Variants in C11orf21 observed in about 807,000 individuals in gnomAD.
C11orf21 encodes chromosome 11 open reading frame 21, also known as uncharacterized protein C11orf21.
A neutral mutation model predicts 15.2 loss-of-function variants in C11orf21; 19 were observed. That is an observed-to-expected ratio of 1.25 (90% CI 0.87 to 1.84). The LOEUF (loss-of-function observed/expected upper bound fraction) is 1.84, where lower values mean the gene tolerates loss of function less well. Ranked by LOEUF, C11orf21 falls within the 40% of genes most tolerant of loss-of-function variation. The pLI is 0.00. For synonymous variants in C11orf21, 62 were observed against 66.8 expected, an observed-to-expected ratio of 0.93 and a Z score of 0.35; for missense variants, 171 against 174.4, an observed-to-expected ratio of 0.98 and a Z score of 0.11.
Position 2,299,796 on chromosome 11 carries a change from G to A in C11orf21, c.148-89C>T, listed in dbSNP as rs879170201. 50 of 1,498,484 alleles carry A rather than the reference G, an allele frequency of 3.3e-5. No homozygotes were observed. The East Asian group carries it at 5.4e-4, about 16-fold the overall frequency. 92.8% of individuals were successfully genotyped at this position (1,498,484 alleles called of 1,614,324 possible). A position where few individuals can be genotyped will look rare whatever the true frequency, so the allele number is the denominator to read the frequency against. ...AGAGAGGAAAAAGGAAGTCCCTGGC[G>A]GGTAAACACATATGCATGCACACAC... is the stretch of plus-strand genomic sequence containing the variant. On this transcript the variant is annotated intron_variant, in intron 2 of 3. Coordinates refer to ENST00000381153, the MANE Select transcript of C11orf21 (RefSeq NM_001329958.2).
chr11:2,301,833 C>T lies in C11orf21; in HGVS notation c.-25G>A. 6.4e-7 allele frequency: 1 copy of T among 1,550,812 alleles called. No individual in the cohort carries two copies. Among genetic ancestry groups the T allele is most frequent in the Non-Finnish European group, 8.7e-7 (1 of 1,146,952 alleles). On this transcript the variant is annotated 5_prime_UTR_variant, in exon 1 of 4. Transcript: ENST00000381153. ...TGACTTTCCCCCTCTCAGCGCCGTCCTCAGTGGCCACACCAAGAACGAGGC... is the reference window on the plus strand; with the variant it reads ...TGACTTTCCCCCTCTCAGCGCCGTCTTCAGTGGCCACACCAAGAACGAGGC...
intron 1 of C11orf21, 140 bp from the exon 2 acceptor site, chr11:2,300,753 T>G: frequency 6.4e-7 from 1 of 1,550,618 alleles, no homozygotes; most frequent in Non-Finnish European, 8.7e-7. Flanking sequence ...GAGGTCAAGG[T>G]TGGAGAGAGA....
At chr11:2,301,471 T>G in intron 1 of C11orf21, 1 of 334,590 alleles carries the variant, frequency 3.0e-6, no homozygotes, top group Non-Finnish European at 5.6e-6. Flanking sequence ...AAATTCGAGG[T>G]TTACAAAGCC....
chr11:2,299,342 T>A, intron 3 of C11orf21, 86 bp downstream of exon 3: 1 of 1,392,822 alleles, frequency 7.2e-7, no homozygotes. Flanking sequence ...GGTGGGAAGC[T>A]CTTGAGTGCC....
At chr11:2,298,593 C>T (rs1358729762) in intron 3 of C11orf21, among the ~76,000 whole-genome samples, 1 of 152,168 alleles carries the variant, frequency 6.6e-6, no homozygotes, top group Non-Finnish European at 1.5e-5. Flanking sequence ...AGGCATCTGG[C>T]TCTTACCCCA....
upstream of C11orf21, chr11:2,302,073 G>A: frequency 6.7e-7 from 1 of 1,490,580 alleles, no homozygotes; most frequent in East Asian, 2.4e-5. Context: ...GCAGTGAGCT[G>A]CGGTCTGAGG....
chr11:2,299,350 G>C, intron 3 of C11orf21, 78 bp downstream of exon 3: 2 of 1,422,368 alleles, frequency 1.4e-6, no homozygotes, highest in African/African-American at 1.4e-5. Flanking sequence ...GCTCTTGAGT[G>C]CCTCCCCGGT....
At chr11:2,298,856 C>G (rs1847596987) in intron 3 of C11orf21, among the ~76,000 whole-genome samples, 1 of 152,030 alleles carries the variant, frequency 6.6e-6, no homozygotes, top group African/African-American at 2.4e-5. Context: ...CCCTGGGTCC[C>G]CTCTGCCCTC....
intron 1 of C11orf21, chr11:2,301,493 G>A (rs1486077316): frequency 5.0e-6 from 2 of 402,690 alleles, no homozygotes; most frequent in East Asian, 7.8e-5. Flanking sequence ...CCCCCTGGAG[G>A]CCCCACGTGA....
At position 2,300,570 on chromosome 11, in the gene C11orf21, C is replaced by G; in HGVS notation, c.97G>C (p.Glu33Gln). ...WPHLSSQSGV[E>Q]PPDRWTGTPG... The stretch of plus-strand genomic sequence containing the variant: ...GTTCCCGTCCACCTGTCAGGGGGTT[C>G]GACGCCACTTTGAGATGACAAGTGA... The change falls in exon 2 of 4, where the codon GAA becomes CAA. Residue 33 changes from glutamate to glutamine, a missense_variant. Coordinates refer to ENST00000381153, the MANE Select transcript of C11orf21 (RefSeq NM_001329958.2). 1 of 1,549,862 alleles carries G rather than the reference C, an allele frequency of 6.5e-7. No homozygotes were observed. Among genetic ancestry groups the G allele is most frequent in the South Asian group, 1.2e-5 (1 of 84,044 alleles).
upstream of C11orf21, chr11:2,302,193 T>C (rs777152824): frequency 3.6e-6 from 5 of 1,388,340 alleles, no homozygotes; most frequent in Non-Finnish European, 4.7e-6. Context: ...TGCCAGATGC[T>C]GGTCACCTGC....
At chr11:2,300,854 G>A in intron 1 of C11orf21, 1 of 1,286,608 alleles carries the variant, frequency 7.8e-7, no homozygotes, top group Non-Finnish European at 1.1e-6. Flanking sequence ...GGGGCCTCCT[G>A]CCCCTAGACC....
rs376119188 is a variant in C11orf21 at position 2,300,820 on chromosome 11, C to T, written c.54-207G>A. 251 of 1,529,722 alleles carry T rather than the reference C, an allele frequency of 1.6e-4. No individual in the cohort carries two copies. In the African/African-American group the frequency reaches 2.9e-3, roughly 18 times the overall value. 94.8% of individuals were successfully genotyped at this position (1,529,722 alleles called of 1,614,324 possible). ...AGCAGCTCATCTTCCCTGGAGAGGA[C>T]GGGCTGCCCACTTGCACAGCCCGGG... On this transcript the variant is annotated intron_variant, in intron 1 of 3. Coordinates refer to ENST00000381153, the MANE Select transcript of C11orf21 (RefSeq NM_001329958.2).
chr11:2,302,273 T>A, upstream of C11orf21: 3 of 1,064,758 alleles, frequency 2.8e-6, no homozygotes, highest in Non-Finnish European at 3.8e-6. Flanking sequence ...GGGTGAGGGG[T>A]GGCAGGGCCT....
Position 2,301,818 on chromosome 11 carries a change from C to G in C11orf21, c.-10G>C. ...ACCAGGTCCTGCCCATGACTTTCCC[C>G]CTCTCAGCGCCGTCCTCAGTGGCCA... On this transcript the variant is annotated 5_prime_UTR_variant, in exon 1 of 4. Transcript: ENST00000381153. The G allele has an allele frequency of 1.3e-6, 2 of 1,550,892 alleles. No individual in the cohort carries two copies. Among genetic ancestry groups the G allele is most frequent in the Non-Finnish European group, 1.7e-6 (2 of 1,146,952 alleles).
At position 2,299,580 on chromosome 11, in the gene C11orf21, C is replaced by T. The variant is rs1185625112; in HGVS notation, c.275G>A (p.Cys92Tyr). ...PALHWLACCC[C>Y]LSLPGQLPLA... Reference sequence around the variant, plus strand: ...GGGCAACTGCCCAGGTAAACTGAGACAGCAGCAGCAGGCAAGCCAGTGCAG... The same window carrying T: ...GGGCAACTGCCCAGGTAAACTGAGATAGCAGCAGCAGGCAAGCCAGTGCAG... The change falls in exon 3 of 4, where the codon TGT becomes TAT. Residue 92 changes from cysteine (C) to tyrosine (Y), a missense_variant. Transcript: ENST00000381153. 1.3e-6 allele frequency: 2 copies of T among 1,550,724 alleles called. No individual in the cohort carries two copies. The highest frequency in any genetic ancestry group is 1.4e-5 in the African/African-American group (1 of 73,054).
chr11:2,302,145 C>T, upstream of C11orf21: 2 of 1,467,886 alleles, frequency 1.4e-6, no homozygotes, highest in Non-Finnish European at 1.8e-6. Context: ...AGGAGAGGAA[C>T]CGTCATGGGG....
rs569729487 is a variant in C11orf21 at position 2,297,932 on chromosome 11, T to G, written c.*29-11A>C. On this transcript the variant is annotated splice_polypyrimidine_tract_variant and intron_variant, in intron 3 of 3. Coordinates refer to ENST00000381153, the MANE Select transcript of C11orf21 (RefSeq NM_001329958.2). Reference sequence around the variant, plus strand: ...CTTCATACAGCTGTCCTTCAGTGCATGTAAGGAGAGAGAGAGAGAAGAGGG... The same window carrying G: ...CTTCATACAGCTGTCCTTCAGTGCAGGTAAGGAGAGAGAGAGAGAAGAGGG... 14 of 152,298 alleles carry G rather than the reference T, an allele frequency of 9.2e-5. No individual in the cohort carries two copies. The highest frequency in any genetic ancestry group is 3.4e-4 in the African/African-American group (14 of 41,540). The allele number at this position is 152,298 out of a possible 1,614,324, so 9.4% of individuals were successfully genotyped here. A position where few individuals can be genotyped will look rare whatever the true frequency, so the allele number is the denominator to read the frequency against.
Position 2,296,624 on chromosome 11 carries a change from C to T in C11orf21, c.*1326G>A, listed in dbSNP as rs1441630510. The T allele has an allele frequency of 6.6e-6, 1 of 152,254 alleles. No homozygotes were observed. Among genetic ancestry groups the T allele is most frequent in the Non-Finnish European group, 1.5e-5 (1 of 68,070 alleles). 9.4% of individuals were successfully genotyped at this position (152,254 alleles called of 1,614,324 possible). On this transcript the variant is annotated 3_prime_UTR_variant, in exon 4 of 4. Coordinates refer to ENST00000381153, the MANE Select transcript of C11orf21 (RefSeq NM_001329958.2). The surrounding 1 kb of genome is among the most constrained non-coding windows in gnomAD (Gnocchi z 5.6). ...GTATGGCAAGGTCCTTCCTCAGGGG[C>T]ACCCAGTCCTCCTTCACTCAGGCAC...
Sources: allele counts gnomAD v4.1 joint callset (sites outside exome capture counted in the v4.1 genomes callset), GRCh38; gene constraint gnomAD v4.1.1; non-coding constraint Gnocchi (gnomAD v3.1); transcripts MANE v1.5; gene names NCBI Gene and HGNC (gene_info 2026-07-23, HGNC 2026-07-21).